Variants in PRKN observed in about 807,000 individuals in gnomAD.
PRKN encodes the protein E3 ubiquitin-protein ligase parkin.
Under a neutral mutation model 59.5 loss-of-function variants are expected in PRKN, and 56 were observed. The ratio of observed to expected loss-of-function variants is 0.94; its 90% CI spans 0.76 to 1.18. The LOEUF (loss-of-function observed/expected upper bound fraction) is 1.18. Among genes scored for constraint, PRKN ranks in the 50% most tolerant of loss-of-function variants. The probability of loss-of-function intolerance (pLI) is 0.00; values close to 1 mark genes in which losing one functional copy is unlikely to be tolerated. For synonymous variants in PRKN, 250 were observed against 222.1 expected (o/e 1.13, Z -1.12); for missense variants, 657 against 596.4 (o/e 1.10, Z -1.06).
intron 1 of PRKN, among the ~76,000 whole-genome samples, chr6:162,639,991 C>A (rs1777900391): frequency 6.6e-6 from 1 of 152,056 alleles, no homozygotes; most frequent in Non-Finnish European, 1.5e-5. Context: ...GGAGACTCAG[C>A]CCAAGACGTT....
At chr6:161,351,856 A>G (rs142141571) in intron 11 of PRKN, among the ~76,000 whole-genome samples, 5 of 152,310 alleles carry the variant, frequency 3.3e-5, no homozygotes, top group Non-Finnish European at 4.4e-5. Context: ...TGTGATTCCA[A>G]TGTCCTGTCA....
intron 6 of PRKN, among the ~76,000 whole-genome samples, chr6:161,786,637 C>A (rs1273924588): frequency 6.6e-6 from 1 of 151,950 alleles, no homozygotes; most frequent in Non-Finnish European, 1.5e-5. Context: ...TATGTTATAA[C>A]AATAGAATCT....
At position 161,671,050 on chromosome 6, in the gene PRKN, C is replaced by T. The variant is rs560909283; in HGVS notation, c.872-101634G>A. 4.6e-5 allele frequency among the ~76,000 whole-genome samples: 7 copies of T among 151,958 alleles called. 1 individual carries two copies. The South Asian group carries it at 1.5e-3, about 32-fold the overall frequency. On this transcript the variant is annotated intron_variant, in intron 7 of 11. Transcript: ENST00000366898. ...GTGTTTTCTTCATGTTTGTTTTTTTCCCTCAAGCACTAAAAAATAATGCAA... is the reference window on the plus strand; with the variant it reads ...GTGTTTTCTTCATGTTTGTTTTTTTTCCTCAAGCACTAAAAAATAATGCAA...
At chr6:161,801,142 C>G (rs779841178) in intron 6 of PRKN, among the ~76,000 whole-genome samples, 9 of 152,090 alleles carry the variant, frequency 5.9e-5, no homozygotes, top group African/African-American at 1.2e-4. Flanking sequence ...CACAGCCCAC[C>G]GGTGACGGAG....
At chr6:161,875,192 T>C (rs1794688019) in intron 6 of PRKN, among the ~76,000 whole-genome samples, 1 of 144,404 alleles carries the variant, frequency 6.9e-6, no homozygotes, top group Non-Finnish European at 1.5e-5. Flanking sequence ...TGTGTGTGTA[T>C]ATATGTATAC....
At chr6:162,302,091 C>T (rs1781986366) in intron 2 of PRKN, among the ~76,000 whole-genome samples, 1 of 152,112 alleles carries the variant, frequency 6.6e-6, no homozygotes, top group South Asian at 2.1e-4. Flanking sequence ...TTCCTCATTT[C>T]TCCAGCCGAT....
At chr6:162,428,396 T>C (rs927112235) in intron 2 of PRKN, among the ~76,000 whole-genome samples, 1 of 152,220 alleles carries the variant, frequency 6.6e-6, no homozygotes, top group East Asian at 1.9e-4. Context: ...CTCAAATTTA[T>C]ATTTCTGTTC....
At chr6:162,597,926 A>G (rs924248853) in intron 1 of PRKN, among the ~76,000 whole-genome samples, 2 of 152,254 alleles carry the variant, frequency 1.3e-5, no homozygotes, top group Admixed American at 6.5e-5. Flanking sequence ...TCATCCAGAC[A>G]TAATTTTCAT....
chr6:162,272,869 G>T (rs998832233), intron 2 of PRKN, among the ~76,000 whole-genome samples: 3 of 151,620 alleles, frequency 2.0e-5, no homozygotes, highest in Admixed American at 6.6e-5. Context: ...GTGGTTGTGC[G>T]TGCCTGTAAT....
chr6:161,611,689 C>A (rs1782494300), intron 7 of PRKN, among the ~76,000 whole-genome samples: 1 of 152,162 alleles, frequency 6.6e-6, no homozygotes, highest in South Asian at 2.1e-4. Context: ...TGAGTCATAA[C>A]AATTTAAGTT....
intron 1 of PRKN, chr6:162,569,534 G>T: frequency 1.4e-6 from 1 of 713,706 alleles, no homozygotes. Context: ...CAGCGCCTAT[G>T]CAGATGGTCT....
intron 2 of PRKN, among the ~76,000 whole-genome samples, chr6:162,363,461 C>A (rs1171877694): frequency 6.6e-6 from 1 of 152,126 alleles, no homozygotes; most frequent in Non-Finnish European, 1.5e-5. Context: ...ATAAATATGT[C>A]TATTTGAAAA....
intron 2 of PRKN, among the ~76,000 whole-genome samples, chr6:162,389,276 G>T (rs1787038206): frequency 6.6e-6 from 1 of 152,110 alleles, no homozygotes; most frequent in Non-Finnish European, 1.5e-5. Flanking sequence ...GTTGAAAGAA[G>T]CCACCAAGAA....
At chr6:162,517,261 T>C (rs539649807) in intron 1 of PRKN, among the ~76,000 whole-genome samples, 137 of 151,396 alleles carry the variant, frequency 9.0e-4, no homozygotes, top group African/African-American at 3.2e-3. Context: ...TTTTTTTTTT[T>C]TTTTGAGACG....
chr6:162,621,264 G>A (rs1782652417), intron 1 of PRKN, among the ~76,000 whole-genome samples: 1 of 152,142 alleles, frequency 6.6e-6, no homozygotes, highest in African/African-American at 2.4e-5. Context: ...CCATGGGACA[G>A]TACTAAAGGA....
At chr6:161,957,093 T>A (rs1382019783) in intron 6 of PRKN, among the ~76,000 whole-genome samples, 1 of 152,226 alleles carries the variant, frequency 6.6e-6, no homozygotes, top group Non-Finnish European at 1.5e-5. Context: ...TGGAGTGAGA[T>A]GGCACCTTCC....
At chr6:162,014,778 T>C (rs892411041) in intron 5 of PRKN, among the ~76,000 whole-genome samples, 28 of 151,786 alleles carry the variant, frequency 1.8e-4, no homozygotes, top group Non-Finnish European at 4.1e-4. Flanking sequence ...CTCCTGCAAA[T>C]AAGATAACAC....
chr6:161,402,525 T>C lies in PRKN; in HGVS notation c.1084-15648A>G, dbSNP rs2061348079. 6.6e-6 allele frequency among the ~76,000 whole-genome samples: 1 copy of C among 151,986 alleles called. No individual in the cohort carries two copies. The highest frequency in any genetic ancestry group is 2.4e-5 in the African/African-American group (1 of 41,360). On this transcript the variant is annotated intron_variant, in intron 9 of 11. Transcript: ENST00000366898. This position sits in a 1 kb window ranked among gnomAD's most constrained non-coding sequence, Gnocchi z 4.5. Reference sequence around the variant, plus strand: ...AACATGAGAGACATTCTGGAAGCTGTGGGGGAGCAAAAGATGGCTTCCCTC... The same window carrying C: ...AACATGAGAGACATTCTGGAAGCTGCGGGGGAGCAAAAGATGGCTTCCCTC...
intron 5 of PRKN, among the ~76,000 whole-genome samples, 169 bp from the exon 6 acceptor site, chr6:161,973,586 C>T (rs1179598189): frequency 6.6e-6 from 1 of 152,124 alleles, no homozygotes. Flanking sequence ...GACCTTGTGC[C>T]AAAGTGGTCA....
Sources: gnomAD v4.1 joint callset for allele counts (sites outside exome capture counted in the v4.1 genomes callset) on GRCh38, gnomAD v4.1.1 for gene constraint, Gnocchi (gnomAD v3.1) non-coding constraint, MANE v1.5 for transcripts, NCBI Gene and HGNC (gene_info 2026-07-23, HGNC 2026-07-21) for gene names.